Variants in FBXO4 observed in about 807,000 individuals in gnomAD.
FBXO4 encodes the protein F-box protein 4.
In FBXO4, 36 loss-of-function variants were observed where a neutral mutation model predicts 43.7. The ratio of observed to expected loss-of-function variants is 0.82; its 90% CI spans 0.63 to 1.09. The LOEUF (loss-of-function observed/expected upper bound fraction) is 1.09, where lower values mean the gene tolerates loss of function less well. FBXO4 is among the 50% of genes least tolerant of loss of function. The pLI, the probability that FBXO4 is intolerant of heterozygous loss-of-function variation, is 0.00. For missense variants in FBXO4, 435 were observed against 474.1 expected (o/e 0.92, Z 0.77); for synonymous variants, 180 against 165.6 (o/e 1.09, Z -0.67).
the FBXO4 span, among the ~76,000 whole-genome samples, chr5:42,034,055 T>C: frequency 6.6e-6 from 1 of 152,364 alleles, no homozygotes; most frequent in Admixed American, 6.5e-5. Flanking sequence ...TAATTGCCAT[T>C]CTGACTGGTA....
At chr5:42,008,497 A>G in the FBXO4 span, among the ~76,000 whole-genome samples, 1 of 152,024 alleles carries the variant, frequency 6.6e-6, no homozygotes, top group Non-Finnish European at 1.5e-5. Flanking sequence ...ATTTCTTCCA[A>G]CTGACTATGG....
At chr5:41,982,279 T>G in the FBXO4 span, among the ~76,000 whole-genome samples, 1 of 152,182 alleles carries the variant, frequency 6.6e-6, no homozygotes, top group Non-Finnish European at 1.5e-5. Context: ...ATGGGATGGC[T>G]GGGTCAAATG....
At chr5:42,005,637 T>G in the FBXO4 span, among the ~76,000 whole-genome samples, 1 of 152,160 alleles carries the variant, frequency 6.6e-6, no homozygotes, top group Non-Finnish European at 1.5e-5. Context: ...CTTGAATATA[T>G]TTTTGGCATT....
At chr5:41,984,477 G>T in the FBXO4 span, among the ~76,000 whole-genome samples, 1 of 152,130 alleles carries the variant, frequency 6.6e-6, no homozygotes, top group East Asian at 1.9e-4. Context: ...ATATTACAGG[G>T]ACATAAGGGC....
the FBXO4 span, among the ~76,000 whole-genome samples, chr5:42,039,707 T>A: frequency 6.6e-6 from 1 of 152,080 alleles, no homozygotes; most frequent in Non-Finnish European, 1.5e-5. Context: ...GGATAGTACT[T>A]CCGTGATAAT....
the FBXO4 span, among the ~76,000 whole-genome samples, chr5:41,949,639 C>T: frequency 6.6e-6 from 1 of 152,098 alleles, no homozygotes; most frequent in African/African-American, 2.4e-5. Context: ...GCCATACTGC[C>T]CAAGGTATTT....
In FBXO4 at chr5:41,929,326, C is replaced by T. The variant is rs76846757; in HGVS notation, c.426-371C>T. Among the ~76,000 whole-genome samples, 626 of 152,324 alleles carry T rather than the reference C, an allele frequency of 4.1e-3. 3 individuals are homozygous for T. The highest frequency in any genetic ancestry group is 0.014 in the African/African-American group (601 of 41,572). On this transcript the variant is annotated intron_variant, in intron 2 of 6. Transcript: ENST00000281623. ...TGTGACAATAAACTTGTTGTTCAGA[C>T]ATTGCCAAATGTTCCAGGGGGGCAG...
chr5:41,955,722 A>AT, the FBXO4 span, among the ~76,000 whole-genome samples: 1 of 152,174 alleles, frequency 6.6e-6, no homozygotes, highest in African/African-American at 2.4e-5. Flanking sequence ...TCTCCCTTGC[A>AT]TTTTCAGCTG....
chr5:41,928,794 C>G (rs2090387653), intron 2 of FBXO4: 1 of 152,242 alleles, frequency 6.6e-6, no homozygotes, highest in Admixed American at 6.5e-5. Flanking sequence ...TACAAGGTTT[C>G]TAATAAAAGG....
the FBXO4 span, chr5:41,967,199 C>CTTT: frequency 4.2e-6 from 2 of 473,026 alleles, no homozygotes; most frequent in Non-Finnish European, 4.2e-6. Flanking sequence ...AGCCTCAGCA[C>CTTT]TTTTTTTTTG....
At chr5:41,934,518 T>C (rs1171805489) in intron 5 of FBXO4, 1 of 1,382,926 alleles carries the variant, frequency 7.2e-7, no homozygotes, top group East Asian at 2.6e-5. Flanking sequence ...ACAAGCTGAT[T>C]CCTACCCTGG....
intron 3 of FBXO4, among the ~76,000 whole-genome samples, chr5:41,931,546 G>A (rs1429965102): frequency 1.3e-5 from 2 of 152,242 alleles, no homozygotes; most frequent in Non-Finnish European, 1.5e-5. Flanking sequence ...TGCTAGAATG[G>A]AAGCTCCATG....
chr5:41,935,400 A>G (rs1161669975), intron 5 of FBXO4, among the ~76,000 whole-genome samples: 2 of 152,148 alleles, frequency 1.3e-5, no homozygotes, highest in Admixed American at 6.5e-5. Flanking sequence ...AGACAGGTAT[A>G]TCCTCCTGCT....
chr5:41,959,872 GA>G, the FBXO4 span, among the ~76,000 whole-genome samples: 1 of 151,906 alleles, frequency 6.6e-6, no homozygotes, highest in South Asian at 2.1e-4. Context: ...TAAATTTTAG[GA>G]TTTTTTTTCT....
chr5:41,986,333 A>AG, the FBXO4 span, among the ~76,000 whole-genome samples: 3 of 152,074 alleles, frequency 2.0e-5, no homozygotes, highest in African/African-American at 7.2e-5. Flanking sequence ...AGAGAGAGAG[A>AG]GGAAAAAAAA....
chr5:41,998,414 C>G, the FBXO4 span, among the ~76,000 whole-genome samples: 1 of 152,216 alleles, frequency 6.6e-6, no homozygotes, highest in South Asian at 2.1e-4. Flanking sequence ...CACTAATCCA[C>G]TCCACCATCC....
chr5:42,015,162 G>A, the FBXO4 span, among the ~76,000 whole-genome samples: 3 of 152,162 alleles, frequency 2.0e-5, no homozygotes, highest in East Asian at 5.8e-4. Flanking sequence ...TTATTGCTAT[G>A]CACAACAATT....
the FBXO4 span, among the ~76,000 whole-genome samples, chr5:42,034,287 C>A: frequency 6.6e-6 from 1 of 152,078 alleles, no homozygotes; most frequent in African/African-American, 2.4e-5. Context: ...GAGTGGATTG[C>A]AAAAATTTTC....
At chr5:41,955,729 G>C in the FBXO4 span, among the ~76,000 whole-genome samples, 1 of 152,160 alleles carries the variant, frequency 6.6e-6, no homozygotes, top group Non-Finnish European at 1.5e-5. Context: ...TGCATTTTCA[G>C]CTGACTGCTG....
Sources: allele counts gnomAD v4.1 joint callset (sites outside exome capture counted in the v4.1 genomes callset), GRCh38; gene constraint gnomAD v4.1.1; transcripts MANE v1.5; gene names NCBI Gene and HGNC (gene_info 2026-07-23, HGNC 2026-07-21).